The following PUM2 variants were observed in gnomAD, a reference collection of about 807,000 sequenced individuals.
The protein encoded by PUM2 is pumilio homolog 2.
PUM2 carries 57 observed loss-of-function variants against 124.5 expected under a neutral mutation model. That is an observed-to-expected ratio of 0.46 (90% CI 0.37 to 0.57). The LOEUF is 0.57. Ranked by LOEUF, PUM2 falls within the 20% of genes least tolerant of loss-of-function variation. The pLI, the probability that PUM2 is intolerant of heterozygous loss-of-function variation, is 0.00. For synonymous variants in PUM2, 460 were observed against 446.1 expected, an observed-to-expected ratio of 1.03 and a Z score of -0.39; for missense variants, 1,065 against 1,290.6, an observed-to-expected ratio of 0.83 and a Z score of 2.68.
chr2:20,313,129 A>G (rs1680039314), intron 3 of PUM2, among the ~76,000 whole-genome samples: 1 of 152,256 alleles, frequency 6.6e-6, no homozygotes, highest in African/African-American at 2.4e-5. Context: ...AAACCTAGGC[A>G]ATACCATTCA....
At position 20,271,561 on chromosome 2, in the gene PUM2, G is replaced by A. The variant is rs1002106135; in HGVS notation, c.1957+7022C>T. Among the ~76,000 whole-genome samples the A allele has an allele frequency of 5.3e-5, 8 of 152,156 alleles. No homozygotes were observed. In the East Asian group the frequency reaches 1.2e-3, roughly 22 times the overall value. Reference sequence around the variant, plus strand: ...ACTCCTGAGCTCAAGCAATACTCCCGCCTCAGCCTCCCAAAATGCTGGGAT... The same window carrying A: ...ACTCCTGAGCTCAAGCAATACTCCCACCTCAGCCTCCCAAAATGCTGGGAT... On this transcript the variant is annotated intron_variant, in intron 13 of 20. Transcript: ENST00000361078.
chr2:20,257,406 ATC>A (rs1171539163), intron 16 of PUM2, among the ~76,000 whole-genome samples: 1 of 152,202 alleles, frequency 6.6e-6, no homozygotes, highest in Non-Finnish European at 1.5e-5. Context: ...GTCAAAGATA[ATC>A]TCTTTCCAAA....
chr2:20,329,212 C>T (rs1684362581), intron 1 of PUM2, among the ~76,000 whole-genome samples: 1 of 149,254 alleles, frequency 6.7e-6, no homozygotes, highest in African/African-American at 2.5e-5. Context: ...TAATGTTCTC[C>T]ATATGGTCCT....
Position 20,283,214 on chromosome 2 carries a change from C to T in PUM2, c.1453G>A (p.Gly485Arg), listed in dbSNP as rs1287717357. 6.2e-7 allele frequency: 1 copy of T among 1,612,462 alleles called. No homozygotes were observed. Among genetic ancestry groups the T allele is most frequent in the Non-Finnish European group, 8.5e-7 (1 of 1,178,696 alleles). ...AAQAAAAAAAGGTASSLTGST... is the reference protein window; with the variant it reads ...AAQAAAAAAARGTASSLTGST... ...CCTGTAAGGCTACTTGCAGTTCCTC[C>T]AGCTGCTGCTGCTGCTGCTGTAAAA... The change falls in exon 12 of 21, where the codon GGA becomes AGA. Residue 485 changes from glycine (G) to arginine (R), a missense_variant. By Grantham distance (125) the Gly-to-Arg change is moderately radical. This residue lies in a region of PUM2 where 968 missense variants were observed against 1,159.8 expected (regional missense o/e 0.83). Coordinates refer to ENST00000361078, the MANE Select transcript of PUM2 (RefSeq NM_015317.5).
intron 10 of PUM2, among the ~76,000 whole-genome samples, chr2:20,289,130 A>G (rs1673409150): frequency 6.6e-6 from 1 of 152,122 alleles, no homozygotes; most frequent in Non-Finnish European, 1.5e-5. Flanking sequence ...TCTCTACTAA[A>G]AATACAAAAG....
intron 1 of PUM2, among the ~76,000 whole-genome samples, chr2:20,332,131 G>A (rs1685043401): frequency 6.6e-6 from 1 of 152,180 alleles, no homozygotes; most frequent in South Asian, 2.1e-4. Context: ...GATTTGGCCT[G>A]CAGGCCATAG....
At chr2:20,265,026 C>T (rs1169282131) in intron 13 of PUM2, among the ~76,000 whole-genome samples, 2 of 152,028 alleles carry the variant, frequency 1.3e-5, no homozygotes, top group South Asian at 4.1e-4. Flanking sequence ...TGCTAGCTAC[C>T]TGGTGCCTGG....
At chr2:20,275,673 C>T (rs1001861724) in intron 13 of PUM2, among the ~76,000 whole-genome samples, 2 of 152,004 alleles carry the variant, frequency 1.3e-5, no homozygotes, top group Non-Finnish European at 2.9e-5. Context: ...AATAAACCAA[C>T]CAACCCATAA....
chr2:20,342,539 C>T (rs1382736446), intron 1 of PUM2, among the ~76,000 whole-genome samples: 1 of 152,076 alleles, frequency 6.6e-6, no homozygotes, highest in East Asian at 1.9e-4. Flanking sequence ...ATTTCCAAGA[C>T]AACTTAAAGA....
rs780723938 is a variant in PUM2 at position 20,254,989 on chromosome 2, G to A, written c.2749-5C>T. ...AACATAATTGCCATACTGATCCTAA[G>A]ACAGATATTTAAAAATTACTTTCCC... On this transcript the variant is annotated splice_polypyrimidine_tract_variant and splice_region_variant and intron_variant, in intron 18 of 20. Coordinates refer to ENST00000361078, the MANE Select transcript of PUM2 (RefSeq NM_015317.5). 1.9e-6 allele frequency: 3 copies of A among 1,604,194 alleles called. No individual in the cohort carries two copies. Among genetic ancestry groups the A allele is most frequent in the Admixed American group, 3.5e-5 (2 of 57,654 alleles).
At chr2:20,278,215 C>G (rs1020395209) in intron 13 of PUM2, among the ~76,000 whole-genome samples, 3 of 152,108 alleles carry the variant, frequency 2.0e-5, no homozygotes, top group Admixed American at 1.3e-4. Flanking sequence ...AGCTATGTAA[C>G]TAATGTTTTT....
At chr2:20,315,966 C>T (rs1464524497) in intron 3 of PUM2, among the ~76,000 whole-genome samples, 2 of 151,824 alleles carry the variant, frequency 1.3e-5, no homozygotes, top group African/African-American at 4.8e-5. Context: ...AGTTACCAAG[C>T]ACACATGCTC....
intron 17 of PUM2, among the ~76,000 whole-genome samples, chr2:20,255,818 G>A (rs1226174233): frequency 6.6e-6 from 1 of 152,072 alleles, no homozygotes; most frequent in East Asian, 1.9e-4. Flanking sequence ...ACTTCTTAAA[G>A]TAATGTGATT....
At chr2:20,333,097 T>C (rs1685256412) in intron 1 of PUM2, 1 of 152,236 alleles carries the variant, frequency 6.6e-6, no homozygotes, top group South Asian at 2.1e-4. Context: ...GTATCTTATT[T>C]TGCTCATTCT....
chr2:20,295,741 A>T (rs913303559), intron 8 of PUM2, among the ~76,000 whole-genome samples: 7 of 152,232 alleles, frequency 4.6e-5, no homozygotes, highest in African/African-American at 1.7e-4. Flanking sequence ...CATCCAACCT[A>T]GCCAGGAGCC....
intron 2 of PUM2, among the ~76,000 whole-genome samples, chr2:20,325,614 C>A (rs532021237): frequency 2.6e-4 from 39 of 149,000 alleles, no homozygotes; most frequent in Admixed American, 1.0e-3. Flanking sequence ...AGGAGTATGA[C>A]TCTCTTGTTC....
intron 17 of PUM2, 55 bp downstream of exon 17, chr2:20,255,978 C>G: frequency 6.9e-7 from 1 of 1,453,782 alleles, no homozygotes; most frequent in Non-Finnish European, 9.1e-7. Flanking sequence ...TGTTGATATT[C>G]AAAATTCTAA....
intron 13 of PUM2, among the ~76,000 whole-genome samples, chr2:20,274,284 T>C (rs1479681034): frequency 2.6e-5 from 4 of 152,166 alleles, no homozygotes; most frequent in Non-Finnish European, 2.9e-5. Context: ...GTATTTTCAG[T>C]GAATGCTTCG....
intron 15 of PUM2, 67 bp downstream of exon 15, chr2:20,260,270 A>G: frequency 1.4e-6 from 2 of 1,415,612 alleles, no homozygotes; most frequent in Non-Finnish European, 1.9e-6. Flanking sequence ...CAACTTTCAG[A>G]GCTTTTCTTA....
Sources: gnomAD v4.1 joint callset for allele counts (sites outside exome capture counted in the v4.1 genomes callset) on GRCh38, gnomAD v4.1.1 for gene constraint, gnomAD v4.1.1 regional missense constraint, MANE v1.5 for transcripts, NCBI Gene and HGNC (gene_info 2026-07-23, HGNC 2026-07-21) for gene names.